KLF12: variants seen among roughly 807,000 people sequenced by gnomAD.
KLF12 encodes the protein KLF transcription factor 12, also known as Krueppel-like factor 12.
Under a neutral mutation model 37.8 loss-of-function variants are expected in KLF12, and 9 were observed. That is an observed-to-expected ratio of 0.24 (90% CI 0.14 to 0.42). KLF12 has a LOEUF of 0.42. Ranked by LOEUF, KLF12 falls within the 10% of genes least tolerant of loss-of-function variation. The pLI, the probability that KLF12 is intolerant of heterozygous loss-of-function variation, is 1.00. For missense variants in KLF12, 411 were observed against 516.0 expected (o/e 0.80, Z 1.97); for synonymous variants, 208 against 202.1 (o/e 1.03, Z -0.25).
At chr13:73,702,155 ATAGAC>A (rs1289822244) in intron 7 of KLF12, among the ~76,000 whole-genome samples, 1 of 152,200 alleles carries the variant, frequency 6.6e-6, no homozygotes, top group African/African-American at 2.4e-5. Context: ...TATTATTTAA[ATAGAC>A]TAAGTGTTCT....
chr13:74,148,403 C>CTTTTTTTTTTTTT, the KLF12 span, among the ~76,000 whole-genome samples: 5 of 73,482 alleles, frequency 6.8e-5, no homozygotes, highest in Non-Finnish European at 9.4e-5. Flanking sequence ...CAAAACTGCT[C>CTTTTTTTTTTTTT]TTTTTTTTTT....
At chr13:74,032,367 C>T (rs967403879) in intron 1 of KLF12, among the ~76,000 whole-genome samples, 7 of 152,090 alleles carry the variant, frequency 4.6e-5, no homozygotes, top group Non-Finnish European at 2.9e-5. Flanking sequence ...CGCATAAATG[C>T]TTCACAGTGG....
the KLF12 span, among the ~76,000 whole-genome samples, chr13:74,186,435 C>T: frequency 6.6e-6 from 1 of 152,056 alleles, no homozygotes; most frequent in Admixed American, 6.6e-5. Context: ...TGAGAGTCCT[C>T]CCCAAAAGAC....
At chr13:74,053,741 T>A (rs566851295) in intron 1 of KLF12, among the ~76,000 whole-genome samples, 1 of 152,314 alleles carries the variant, frequency 6.6e-6, no homozygotes, top group African/African-American at 2.4e-5. Flanking sequence ...AATTATTGCA[T>A]GAATATTCTT....
intron 5 of KLF12, among the ~76,000 whole-genome samples, chr13:73,788,156 G>C (rs1405050157): frequency 1.3e-5 from 2 of 152,006 alleles, no homozygotes; most frequent in Admixed American, 6.5e-5. Flanking sequence ...ATTGTAGTTT[G>C]TTCATTATGT....
At chr13:74,092,117 G>A (rs1387404592) in intron 1 of KLF12, among the ~76,000 whole-genome samples, 7 of 151,216 alleles carry the variant, frequency 4.6e-5, no homozygotes, top group Non-Finnish European at 7.4e-5. Context: ...GTGAAACCCC[G>A]TCTCTACTAA....
chr13:74,094,232 G>A (rs746951286), intron 1 of KLF12, among the ~76,000 whole-genome samples: 5 of 151,992 alleles, frequency 3.3e-5, no homozygotes, highest in African/African-American at 4.8e-5. Context: ...CTATACTTTC[G>A]TCCCTTGGTG....
intron 6 of KLF12, among the ~76,000 whole-genome samples, chr13:73,718,581 A>G (rs568561753): frequency 6.6e-6 from 1 of 152,030 alleles, no homozygotes; most frequent in Non-Finnish European, 1.5e-5. Flanking sequence ...ACATGGTGAA[A>G]CTCCGTCTCT....
chr13:74,021,489 G>A (rs924454512), intron 1 of KLF12, among the ~76,000 whole-genome samples: 1 of 152,096 alleles, frequency 6.6e-6, no homozygotes, highest in Non-Finnish European at 1.5e-5. Context: ...GCTGTGGAAG[G>A]GGGAACAGGG....
chr13:74,007,478 T>C (rs1892440785), intron 1 of KLF12, among the ~76,000 whole-genome samples: 1 of 151,858 alleles, frequency 6.6e-6, no homozygotes, highest in Non-Finnish European at 1.5e-5. Flanking sequence ...GGTTTCACCG[T>C]GTTCGCCAGG....
chr13:73,868,770 T>G (rs571041352), intron 3 of KLF12, among the ~76,000 whole-genome samples: 1 of 152,214 alleles, frequency 6.6e-6, no homozygotes, highest in Non-Finnish European at 1.5e-5. Flanking sequence ...TTAATAAGTT[T>G]GCTTCAAGAA....
chr13:73,740,584 T>A (rs754718342), intron 6 of KLF12, among the ~76,000 whole-genome samples: 2 of 152,168 alleles, frequency 1.3e-5, no homozygotes, highest in Non-Finnish European at 2.9e-5. Flanking sequence ...CAAATGATCC[T>A]TCCATCTTGG....
intron 6 of KLF12, among the ~76,000 whole-genome samples, chr13:73,743,022 T>TAAA (rs61569247): frequency 1.0e-4 from 15 of 147,760 alleles, no homozygotes; most frequent in Non-Finnish European, 1.8e-4. Flanking sequence ...TCTTCGGGAT[T>TAAA]AAAAAAAAAA....
the KLF12 span, among the ~76,000 whole-genome samples, chr13:74,267,869 A>AT: frequency 2.3e-3 from 355 of 152,162 alleles, 3 homozygotes; most frequent in African/African-American, 7.9e-3. Context: ...ATTATGATTA[A>AT]TTTTTTAAAA....
chr13:73,816,390 T>G (rs1228891114), intron 4 of KLF12, among the ~76,000 whole-genome samples: 1 of 152,136 alleles, frequency 6.6e-6, no homozygotes, highest in Non-Finnish European at 1.5e-5. Context: ...CACTTAAGAT[T>G]TTATTGCTCT....
intron 6 of KLF12, among the ~76,000 whole-genome samples, chr13:73,748,683 T>A (rs185800092): frequency 1.5e-3 from 235 of 152,304 alleles, no homozygotes; most frequent in African/African-American, 5.5e-3. Flanking sequence ...GGTATTTTTT[T>A]AATGGCAGGC....
chr13:74,069,057 G>A (rs553880034), intron 1 of KLF12, among the ~76,000 whole-genome samples: 1 of 152,222 alleles, frequency 6.6e-6, no homozygotes, highest in East Asian at 1.9e-4. Flanking sequence ...CCCTCCAAGT[G>A]GTCAAATGTA....
chr13:74,080,498 G>A (rs776513204), intron 1 of KLF12, among the ~76,000 whole-genome samples: 5 of 150,366 alleles, frequency 3.3e-5, no homozygotes, highest in South Asian at 2.1e-4. Context: ...TTAACTGTAC[G>A]TTTAAAAATG....
chr13:73,848,006 A>G (rs1885121128), intron 3 of KLF12, among the ~76,000 whole-genome samples: 3 of 152,184 alleles, frequency 2.0e-5, no homozygotes, highest in Non-Finnish European at 4.4e-5. Context: ...GGTTGCTTTC[A>G]TAAAAGACAT....
Sources: gnomAD v4.1 joint callset for allele counts (sites outside exome capture counted in the v4.1 genomes callset) on GRCh38, gnomAD v4.1.1 for gene constraint, MANE v1.5 for transcripts, NCBI Gene and HGNC (gene_info 2026-07-23, HGNC 2026-07-21) for gene names.